CCSER1: variants seen among roughly 807,000 people sequenced by gnomAD.
CCSER1 encodes serine-rich coiled-coil domain-containing protein 1.
Under a neutral mutation model 82.0 loss-of-function variants are expected in CCSER1, and 41 were observed. The observed-to-expected ratio is 0.50, with a 90% confidence interval of 0.39 to 0.65. The LOEUF (loss-of-function observed/expected upper bound fraction) is 0.65. Ranked by LOEUF, CCSER1 falls within the 30% of genes least tolerant of loss-of-function variation. The pLI is 0.00. For missense variants in CCSER1, 1,119 were observed against 1,064.2 expected (o/e 1.05, Z -0.72); for synonymous variants, 414 against 383.9 (o/e 1.08, Z -0.92).
intron 7 of CCSER1, among the ~76,000 whole-genome samples, chr4:90,748,454 G>T (rs1055734650): frequency 8.2e-4 from 123 of 149,666 alleles, no homozygotes; most frequent in Middle Eastern, 6.9e-3. Flanking sequence ...CATTTGGGTT[G>T]GTTCCAAGTC....
At chr4:90,311,611 T>A (rs1021354160) in intron 2 of CCSER1, among the ~76,000 whole-genome samples, 1 of 152,218 alleles carries the variant, frequency 6.6e-6, no homozygotes, top group Non-Finnish European at 1.5e-5. Flanking sequence ...ACTTTCATAA[T>A]GCTAAATTTA....
intron 10 of CCSER1, among the ~76,000 whole-genome samples, chr4:91,209,453 G>T (rs1248633251): frequency 3.3e-5 from 5 of 151,820 alleles, no homozygotes; most frequent in Non-Finnish European, 7.4e-5. Context: ...AGCCTTTCCT[G>T]CATTTATTGA....
chr4:90,300,679 C>G (rs78169968), intron 1 of CCSER1, among the ~76,000 whole-genome samples: 3 of 152,020 alleles, frequency 2.0e-5, no homozygotes, highest in Admixed American at 6.6e-5. Flanking sequence ...AGAAGAAAAG[C>G]GAAGGCAATT....
At chr4:90,467,275 T>C (rs950355728) in intron 4 of CCSER1, among the ~76,000 whole-genome samples, 1 of 151,986 alleles carries the variant, frequency 6.6e-6, no homozygotes, top group Non-Finnish European at 1.5e-5. Context: ...TCCTAGCTAC[T>C]TGGGAGGCTG....
intron 6 of CCSER1, 112 bp from the exon 7 acceptor site, chr4:90,723,802 T>C (rs1163709930): frequency 6.7e-6 from 3 of 450,524 alleles, no homozygotes; most frequent in African/African-American, 6.1e-5. Context: ...TTTACATTCA[T>C]ATTTTACTTA....
chr4:90,748,117 TGCTGGTGC>T (rs1747844402), intron 7 of CCSER1, among the ~76,000 whole-genome samples: 1 of 147,402 alleles, frequency 6.8e-6, no homozygotes, highest in Non-Finnish European at 1.5e-5. Flanking sequence ...ACATGTGCCA[TGCTGGTGC>T]GCTGCACCCA....
chr4:90,478,717 T>C (rs946364478), intron 5 of CCSER1, among the ~76,000 whole-genome samples: 1 of 150,994 alleles, frequency 6.6e-6, no homozygotes, highest in African/African-American at 2.4e-5. Context: ...GAATAAATTG[T>C]ACTTTCTTTC....
chr4:90,983,416 G>T (rs190508312), intron 9 of CCSER1, among the ~76,000 whole-genome samples: 1 of 151,476 alleles, frequency 6.6e-6, no homozygotes, highest in African/African-American at 2.4e-5. Context: ...TAAATAATTT[G>T]GGTAGAGAAC....
chr4:90,358,431 T>G (rs1028441108), intron 3 of CCSER1, among the ~76,000 whole-genome samples: 1 of 152,142 alleles, frequency 6.6e-6, no homozygotes, highest in Admixed American at 6.5e-5. Flanking sequence ...ATAGTAGTAT[T>G]GATATTAATT....
chr4:90,814,967 T>C (rs1758807573), intron 7 of CCSER1, among the ~76,000 whole-genome samples: 1 of 149,684 alleles, frequency 6.7e-6, no homozygotes, highest in African/African-American at 2.6e-5. Context: ...TTTATCTTTA[T>C]AGCAGTGCCC....
intron 1 of CCSER1, among the ~76,000 whole-genome samples, chr4:90,170,142 A>C (rs1731353941): frequency 6.6e-6 from 1 of 151,952 alleles, no homozygotes; most frequent in Admixed American, 6.6e-5. Flanking sequence ...TTATATACAC[A>C]CTACTGAAAT....
At chr4:90,974,057 G>A (rs1375349234) in intron 9 of CCSER1, among the ~76,000 whole-genome samples, 3 of 151,460 alleles carry the variant, frequency 2.0e-5, no homozygotes, top group Admixed American at 6.6e-5. Context: ...CAGGGGCTGG[G>A]ATACGTAGGA....
intron 6 of CCSER1, among the ~76,000 whole-genome samples, chr4:90,646,796 C>T (rs994517596): frequency 1.3e-5 from 2 of 152,062 alleles, no homozygotes; most frequent in African/African-American, 4.8e-5. Context: ...TGCATTAGCC[C>T]TATGATATTC....
chr4:90,466,340 C>T (rs960354885), intron 4 of CCSER1, among the ~76,000 whole-genome samples: 1 of 152,178 alleles, frequency 6.6e-6, no homozygotes, highest in African/African-American at 2.4e-5. Context: ...ATGGATGGGC[C>T]ATAGGCCATG....
intron 1 of CCSER1, among the ~76,000 whole-genome samples, chr4:90,199,574 CTCT>C (rs1374775636): frequency 7.2e-6 from 1 of 139,346 alleles, no homozygotes; most frequent in African/African-American, 2.8e-5. Flanking sequence ...ACATAACTTA[CTCT>C]TCCAGTTCTC....
At chr4:90,156,185 G>A (rs974614682) in intron 1 of CCSER1, among the ~76,000 whole-genome samples, 3 of 152,152 alleles carry the variant, frequency 2.0e-5, no homozygotes, top group Admixed American at 1.3e-4. Context: ...GAGCAGTTTT[G>A]GGTGAGTTTC....
At chr4:90,719,241 C>T (rs550139950) in intron 6 of CCSER1, among the ~76,000 whole-genome samples, 79 of 152,004 alleles carry the variant, frequency 5.2e-4, no homozygotes, top group Admixed American at 1.3e-3. Context: ...GTGTGAACTG[C>T]GCATGCGAGG....
At chr4:90,607,048 A>C (rs1784820417) in intron 5 of CCSER1, among the ~76,000 whole-genome samples, 1 of 152,208 alleles carries the variant, frequency 6.6e-6, no homozygotes, top group African/African-American at 2.4e-5. Flanking sequence ...GGAGGAGAAC[A>C]CAGTAAGATT....
chr4:91,021,809 A>G (rs1739998225), intron 9 of CCSER1, among the ~76,000 whole-genome samples: 1 of 152,164 alleles, frequency 6.6e-6, no homozygotes, highest in Admixed American at 6.5e-5. Flanking sequence ...GAAACTTGAA[A>G]GCAAAGCACA....
Sources: allele counts gnomAD v4.1 joint callset (sites outside exome capture counted in the v4.1 genomes callset), GRCh38; gene constraint gnomAD v4.1.1; transcripts MANE v1.5; gene names NCBI Gene and HGNC (gene_info 2026-07-23, HGNC 2026-07-21).